Variants in ZNF653 observed in about 807,000 individuals in gnomAD.
The protein encoded by ZNF653 is zinc finger protein 653, also known as 67 kDa zinc finger protein.
ZNF653 carries 37 observed loss-of-function variants against 59.9 expected under a neutral mutation model. The ratio of observed to expected loss-of-function variants is 0.62; its 90% confidence interval spans 0.48 to 0.81. The LOEUF (loss-of-function observed/expected upper bound fraction) is 0.81, where lower values mean the gene tolerates loss of function less well. Ranked by LOEUF, ZNF653 falls within the 40% of genes least tolerant of loss-of-function variation. ZNF653 has a pLI of 0.00. For synonymous variants in ZNF653, 435 were observed against 371.8 expected (o/e 1.17, Z -1.96); for missense variants, 808 against 881.1 (o/e 0.92, Z 1.05).
chr19:11,491,044 G>A (rs776203762), intron 3 of ZNF653, among the ~76,000 whole-genome samples: 3 of 152,154 alleles, frequency 2.0e-5, no homozygotes, highest in Admixed American at 6.6e-5. Flanking sequence ...CAGCCTGAAC[G>A]CTTCTCCCAC....
In ZNF653 at chr19:11,495,780, CA is replaced by C; in HGVS notation, c.559+169del. On this transcript the variant is annotated intron_variant, in intron 3 of 8. Transcript: ENST00000293771. The surrounding 1 kb of genome is among the most constrained non-coding windows in gnomAD (Gnocchi z 4.9). Reference sequence around the variant, plus strand: ...AAGCTCTGTAAGGACGCAAAGAGGGCAAGGCCACGAAGGACTCAGCCTGGCC... The same window carrying C: ...AAGCTCTGTAAGGACGCAAAGAGGGCAGGCCACGAAGGACTCAGCCTGGCC... 3.0e-6 allele frequency: 2 copies of C among 674,018 alleles called. No individual in the cohort carries two copies. The highest frequency in any genetic ancestry group is 5.0e-6 in the Non-Finnish European group (2 of 400,784). The allele number at this position is 674,018 out of a possible 1,614,324, so 41.8% of individuals were successfully genotyped here.
chr19:11,500,777 C>T (rs1568397385), intron 1 of ZNF653: 1 of 152,250 alleles, frequency 6.6e-6, no homozygotes, highest in Non-Finnish European at 1.5e-5. Flanking sequence ...CCTGTGTGAC[C>T]TCAAGCAGGT....
chr19:11,505,413 G>A lies in ZNF653; in HGVS notation c.299+75C>T, dbSNP rs1014514184. ...GGTGCCGGGGGCTGGCCCTAGAAGC[G>A]GAGGGGGCGGGGTAAAGCCCGGCGG... is the stretch of plus-strand genomic sequence containing the variant. On this transcript the variant is annotated intron_variant, in intron 1 of 8. Transcript: ENST00000293771. The A allele has an allele frequency of 3.8e-5, 51 of 1,333,488 alleles. No individual in the cohort carries two copies. The African/African-American group carries it at 5.8e-4, about 15-fold the overall frequency. 82.6% of individuals were successfully genotyped at this position (1,333,488 alleles called of 1,614,324 possible). A position where few individuals can be genotyped will look rare whatever the true frequency, so the allele number is the denominator to read the frequency against.
chr19:11,486,921 G>A (rs765735881), intron 5 of ZNF653, 41 bp from the exon 6 acceptor site: 1 of 1,611,080 alleles, frequency 6.2e-7, no homozygotes, highest in Admixed American at 1.7e-5. Flanking sequence ...TCCCGCACCA[G>A]GCAGGCTGGG....
chr19:11,504,963 G>T (rs1036463197), intron 1 of ZNF653: 1 of 153,202 alleles, frequency 6.5e-6, no homozygotes, highest in African/African-American at 2.4e-5. Context: ...ATAGGTTTAG[G>T]GGAGTGCAGT....
intron 3 of ZNF653, among the ~76,000 whole-genome samples, chr19:11,493,481 T>A (rs1311178016): frequency 2.0e-5 from 3 of 152,210 alleles, no homozygotes; most frequent in Non-Finnish European, 4.4e-5. Context: ...AGATGCCCAC[T>A]GTTGATGGAC....
At chr19:11,504,208 T>C (rs1012197861) in intron 1 of ZNF653, among the ~76,000 whole-genome samples, 12 of 152,104 alleles carry the variant, frequency 7.9e-5, no homozygotes, top group African/African-American at 2.9e-4. Context: ...GAGGCCATCC[T>C]GGCTAACAGA....
chr19:11,502,174 C>G (rs1971653117), intron 1 of ZNF653, among the ~76,000 whole-genome samples: 1 of 152,004 alleles, frequency 6.6e-6, no homozygotes, highest in African/African-American at 2.4e-5. Flanking sequence ...TCACTGCAAC[C>G]TCCACCTCCC....
chr19:11,485,798 C>A, intron 6 of ZNF653, 28 bp from the exon 7 acceptor site: 1 of 1,568,948 alleles, frequency 6.4e-7, no homozygotes, highest in South Asian at 1.1e-5. Flanking sequence ...AGAAGTGGGT[C>A]CCATAGGCCC....
intron 7 of ZNF653, among the ~76,000 whole-genome samples, chr19:11,485,162 G>T (rs760500077): frequency 6.6e-6 from 1 of 151,986 alleles, no homozygotes; most frequent in East Asian, 2.0e-4. Context: ...CTGGACACAG[G>T]CACCATGGCT....
At chr19:11,489,908 C>T (rs577448558) in intron 3 of ZNF653, among the ~76,000 whole-genome samples, 1 of 152,212 alleles carries the variant, frequency 6.6e-6, no homozygotes, top group Non-Finnish European at 1.5e-5. Flanking sequence ...CTCACCTTAC[C>T]CCCAGGCTTG....
At chr19:11,497,258 C>T (rs1022145654) in intron 2 of ZNF653, among the ~76,000 whole-genome samples, 1 of 152,250 alleles carries the variant, frequency 6.6e-6, no homozygotes, top group African/African-American at 2.4e-5. Flanking sequence ...AGAGCAGGAA[C>T]ACTGCTGTTT....
intron 1 of ZNF653, chr19:11,505,235 CGGG>C (rs1448970905): frequency 6.5e-5 from 28 of 428,674 alleles, no homozygotes; most frequent in Admixed American, 4.2e-4. Flanking sequence ...TTCTAGCGGG[CGGG>C]GCCAAGCGCT....
chr19:11,501,584 CGTCACACACTCTCCCATCACA>C (rs1353449984), intron 1 of ZNF653, among the ~76,000 whole-genome samples: 2 of 152,110 alleles, frequency 1.3e-5, no homozygotes, highest in Non-Finnish European at 2.9e-5. Context: ...TGCTCCATCA[CGTCACACACTCTCCCATCACA>C]GTCACCAGTG....
intron 2 of ZNF653, among the ~76,000 whole-genome samples, chr19:11,496,676 T>G (rs922369980): frequency 6.6e-6 from 1 of 151,876 alleles, no homozygotes; most frequent in Admixed American, 6.6e-5. Flanking sequence ...GAAACCAGCC[T>G]GGCTAACATG....
intron 2 of ZNF653, among the ~76,000 whole-genome samples, chr19:11,497,349 G>C (rs991174786): frequency 6.6e-6 from 1 of 152,206 alleles, no homozygotes; most frequent in Admixed American, 6.5e-5. Flanking sequence ...ATGAGAGAAC[G>C]CTGCATAGCG....
At chr19:11,489,804 CGCTG>C (rs1971511371) in intron 3 of ZNF653, among the ~76,000 whole-genome samples, 1 of 152,212 alleles carries the variant, frequency 6.6e-6, no homozygotes, top group African/African-American at 2.4e-5. Flanking sequence ...CCCAGACCCA[CGCTG>C]TGGTATCCTG....
At position 11,487,857 on chromosome 19, in the gene ZNF653, G is replaced by C; in HGVS notation, c.606C>G (p.Gly202=). ...VAGSSDSSSS[G]SASDSEESPE... ...GAGACTCCTCAGAGTCAGAGGCAGA[G>C]CCAGAGCTGGATGAGTCAGAGCTGC... The change falls in exon 4 of 9, where the codon GGC becomes GGG. Residue 202 remains glycine, a synonymous_variant. Transcript: ENST00000293771. The surrounding 1 kb of genome is among the most constrained non-coding windows in gnomAD (Gnocchi z 5.1). 1.2e-6 allele frequency: 2 copies of C among 1,608,720 alleles called. No individual in the cohort carries two copies. Among genetic ancestry groups the C allele is most frequent in the Non-Finnish European group, 1.7e-6 (2 of 1,177,126 alleles).
chr19:11,486,957 G>C (rs10416452), intron 5 of ZNF653, 30 bp downstream of exon 5: 1 of 1,611,958 alleles, frequency 6.2e-7, no homozygotes, highest in South Asian at 1.1e-5. Flanking sequence ...TCTAGCCCTC[G>C]CCCTCACCCT....
Sources: allele counts gnomAD v4.1 joint callset (sites outside exome capture counted in the v4.1 genomes callset), GRCh38; gene constraint gnomAD v4.1.1; non-coding constraint Gnocchi (gnomAD v3.1); transcripts MANE v1.5; gene names NCBI Gene and HGNC (gene_info 2026-07-23, HGNC 2026-07-21).